Variants in SLC25A14 observed in about 807,000 individuals in gnomAD.
The protein encoded by SLC25A14 is solute carrier family 25 member 14.
A neutral mutation model predicts 28.1 loss-of-function variants in SLC25A14; 8 were observed. That is an observed-to-expected ratio of 0.28 (90% confidence interval 0.17 to 0.51). SLC25A14 has a LOEUF of 0.51. SLC25A14 is among the 20% of genes least tolerant of loss of function. SLC25A14 has a pLI of 0.97. For missense variants in SLC25A14, 135 were observed against 263.8 expected, an observed-to-expected ratio of 0.51 and a Z score of 3.38; for synonymous variants, 74 against 90.6, an observed-to-expected ratio of 0.82 and a Z score of 1.04.
At chrX:130,353,549 A>G (rs2033685635) in intron 6 of SLC25A14, among the ~76,000 whole-genome samples, 1 of 111,779 alleles carries the variant, frequency 8.9e-6, no homozygotes, top group South Asian at 3.7e-4. Context: ...TGGTTACTCT[A>G]CTTTTATTCA....
At chrX:130,348,290 C>T (rs964940168) in intron 4 of SLC25A14, among the ~76,000 whole-genome samples, 1 of 110,453 alleles carries the variant, frequency 9.1e-6, no homozygotes, top group African/African-American at 3.3e-5. Flanking sequence ...TAATCACCTC[C>T]TATTACCATC....
intron 2 of SLC25A14, 55 bp downstream of exon 2, chrX:130,340,408 C>T (rs2033210884): frequency 4.3e-6 from 5 of 1,175,364 alleles, no homozygotes; most frequent in Admixed American, 4.4e-5. Flanking sequence ...AAGATGCTCC[C>T]CTTCGGTTTC....
intron 6 of SLC25A14, among the ~76,000 whole-genome samples, chrX:130,354,238 T>C (rs892216284): frequency 2.7e-5 from 3 of 109,903 alleles, no homozygotes; most frequent in Non-Finnish European, 5.7e-5. Flanking sequence ...CTCAGCCTCC[T>C]GAGTAGCTGG....
rs138798145 is a variant in SLC25A14, at chrX:130,350,657, T to C, written c.424T>C (p.Leu142=). The C allele has an allele frequency of 4.3e-4, 495 of 1,151,586 alleles. 2 individuals are homozygous for C. In the African/African-American group the frequency reaches 7.6e-3, roughly 18 times the overall value. The allele number at this position is 1,151,586 out of a possible 1,213,427, so 94.9% of individuals were successfully genotyped here. A position where few individuals can be genotyped will look rare whatever the true frequency, so the allele number is the denominator to read the frequency against. The part of the protein sequence containing the change: ...FVERLEDETL[L]INMICGVVSG... ...TTTCCTTTTCACAGATGAAACTCTT[T>C]TAATTAATATGATCTGTGGGGTAGT... Residue 142 remains leucine (L), a synonymous_variant, in exon 6 of 11, where the codon TTA becomes CTA. Coordinates refer to ENST00000545805, the MANE Select transcript of SLC25A14 (RefSeq NM_001282195.2).
At chrX:130,363,029 A>G (rs1165400761) in intron 7 of SLC25A14, among the ~76,000 whole-genome samples, 3 of 112,760 alleles carry the variant, frequency 2.7e-5, no homozygotes, top group African/African-American at 6.4e-5. Flanking sequence ...TATTATAATG[A>G]TAATTCCCAA....
intron 8 of SLC25A14, 128 bp downstream of exon 8, chrX:130,364,880 A>G: frequency 9.2e-7 from 1 of 1,087,636 alleles, no homozygotes; most frequent in East Asian, 3.7e-5. Flanking sequence ...CTCTCCTATT[A>G]TCAGAACTTC....
At chrX:130,369,262 C>T (rs1415991998) in intron 9 of SLC25A14, among the ~76,000 whole-genome samples, 1 of 110,016 alleles carries the variant, frequency 9.1e-6, no homozygotes, top group Non-Finnish European at 1.9e-5. Flanking sequence ...CCAGTCTAGG[C>T]GACAGAGCAA....
intron 5 of SLC25A14, 70 bp from the exon 6 acceptor site, chrX:130,350,576 A>G: frequency 2.0e-6 from 1 of 500,601 alleles, no homozygotes; most frequent in Non-Finnish European, 3.1e-6. Flanking sequence ...TTCCTCCAGT[A>G]GGTCAGTAGT....
At chrX:130,369,215 G>A (rs1413288816) in intron 9 of SLC25A14, among the ~76,000 whole-genome samples, 1 of 110,987 alleles carries the variant, frequency 9.0e-6, no homozygotes, top group East Asian at 2.8e-4. Flanking sequence ...GCCAGAGTTT[G>A]AGGCTGCAGT....
At chrX:130,340,497 C>A in intron 2 of SLC25A14, 144 bp downstream of exon 2, 1 of 585,273 alleles carries the variant, frequency 1.7e-6, no homozygotes, top group Non-Finnish European at 2.7e-6. Flanking sequence ...GGCATGACAG[C>A]TGTTATCAAC....
In SLC25A14 at chrX:130,340,267, C is replaced by T; in HGVS notation, c.-12C>T. 8.3e-7 allele frequency: 1 copy of T among 1,210,629 alleles called. No individual in the cohort carries two copies. The highest frequency in any genetic ancestry group is 1.1e-6 in the Non-Finnish European group (1 of 894,319). On this transcript the variant is annotated 5_prime_UTR_variant, in exon 2 of 11. Transcript: ENST00000545805. ...CTGAGGAACTGGCAAGATCCTGCTA[C>T]CCAGAGGGTGAATGGGTATCTTTCC...
chrX:130,360,753 A>G (rs1342845539), intron 7 of SLC25A14, among the ~76,000 whole-genome samples: 1 of 112,165 alleles, frequency 8.9e-6, no homozygotes, highest in Non-Finnish European at 1.9e-5. Flanking sequence ...ATTTTTTCAC[A>G]GGAGCATAGC....
intron 7 of SLC25A14, among the ~76,000 whole-genome samples, chrX:130,362,272 G>C (rs766674971): frequency 9.2e-6 from 1 of 109,258 alleles, no homozygotes; most frequent in South Asian, 4.0e-4. Context: ...GTGTAGCTGG[G>C]ATTATTATTA....
intron 3 of SLC25A14, among the ~76,000 whole-genome samples, chrX:130,345,675 A>C (rs963939879): frequency 2.7e-5 from 3 of 111,837 alleles, no homozygotes; most frequent in African/African-American, 9.7e-5. Flanking sequence ...AAAATGTACT[A>C]ACAAGATCAA....
intron 4 of SLC25A14, 131 bp from the exon 5 acceptor site, chrX:130,349,120 A>C (rs756614330): frequency 2.9e-4 from 109 of 374,327 alleles, no homozygotes; most frequent in Middle Eastern, 1.7e-3. Flanking sequence ...TGAGTGTTTC[A>C]TGAGTGCTTG....
At chrX:130,360,637 A>C (rs140112953) in intron 7 of SLC25A14, among the ~76,000 whole-genome samples, 1 of 111,962 alleles carries the variant, frequency 8.9e-6, no homozygotes, top group African/African-American at 3.3e-5. Context: ...ACAGCAGGGT[A>C]CACTTGCTTG....
intron 9 of SLC25A14, 65 bp from the exon 10 acceptor site, chrX:130,371,499 G>A (rs889914569): frequency 9.7e-6 from 8 of 821,073 alleles, no homozygotes; most frequent in Non-Finnish European, 1.5e-5. Context: ...GGGTGGGAGT[G>A]GAAGGTGATG....
chrX:130,356,801 G>A (rs2033807541), intron 6 of SLC25A14, among the ~76,000 whole-genome samples: 1 of 111,369 alleles, frequency 9.0e-6, no homozygotes, highest in African/African-American at 3.3e-5. Flanking sequence ...TCTAGTATTG[G>A]ATTAGGTATC....
At chrX:130,349,434 G>T in intron 5 of SLC25A14, 89 bp downstream of exon 5, 1 of 507,977 alleles carries the variant, frequency 2.0e-6, no homozygotes, top group South Asian at 4.0e-5. Context: ...AGGTGCCTGA[G>T]AATGGAGGAG....
Sources: gnomAD v4.1 joint callset for allele counts (sites outside exome capture counted in the v4.1 genomes callset) on GRCh38, gnomAD v4.1.1 for gene constraint, MANE v1.5 for transcripts, NCBI Gene and HGNC (gene_info 2026-07-23, HGNC 2026-07-21) for gene names.